FBXW8: variants seen among roughly 807,000 people sequenced by gnomAD.
FBXW8 encodes F-box and WD repeat domain containing 8, also known as F-box/WD repeat-containing protein 8.
Under a neutral mutation model 65.3 loss-of-function variants are expected in FBXW8, and 57 were observed. The ratio of observed to expected loss-of-function variants is 0.87; its 90% CI spans 0.71 to 1.09. FBXW8 has a LOEUF of 1.09. FBXW8 is among the 50% of genes least tolerant of loss of function. FBXW8 has a pLI of 0.00. For synonymous variants in FBXW8, 308 were observed against 330.2 expected, an observed-to-expected ratio of 0.93 and a Z score of 0.73; for missense variants, 777 against 814.8, an observed-to-expected ratio of 0.95 and a Z score of 0.57.
intron 8 of FBXW8, among the ~76,000 whole-genome samples, chr12:117,011,206 G>A (rs1953802569): frequency 6.7e-6 from 1 of 150,084 alleles, no homozygotes; most frequent in Non-Finnish European, 1.5e-5. Flanking sequence ...GAGGGCCAGG[G>A]GCTGCTGGCG....
In FBXW8 at chr12:116,911,072, G is replaced by A; in HGVS notation, c.35G>A (p.Arg12His). The A allele has an allele frequency of 2.1e-6, 3 of 1,453,528 alleles. No individual in the cohort carries two copies. Among genetic ancestry groups the A allele is most frequent in the South Asian group, 1.4e-5 (1 of 73,792 alleles). The allele number at this position is 1,453,528 out of a possible 1,614,324, so 90.0% of individuals were successfully genotyped here. ...TACAGCCTGGATGAGTTCCGTCGGC[G>A]CTGGCAGGAGGAGCTGGCGCAGGCC... ...DDYSLDEFRR[R>H]WQEELAQAQA... The change falls in exon 1 of 11, where the codon CGC (arginine) becomes CAC (histidine). Residue 12 changes from arginine (R) to histidine (H), a missense_variant. Coordinates refer to ENST00000652555, the MANE Select transcript of FBXW8 (RefSeq NM_153348.3).
intron 1 of FBXW8, among the ~76,000 whole-genome samples, chr12:116,912,338 C>T (rs1880027978): frequency 6.6e-6 from 1 of 151,976 alleles, no homozygotes; most frequent in Admixed American, 6.6e-5. Flanking sequence ...CACGCATGCG[C>T]CACCACACTC....
chr12:116,954,852 C>A (rs1883532974), intron 4 of FBXW8, among the ~76,000 whole-genome samples: 1 of 152,182 alleles, frequency 6.6e-6, no homozygotes, highest in Non-Finnish European at 1.5e-5. Context: ...AGAGCCCGTG[C>A]CTCCTGCCCC....
rs142122479 is a variant in FBXW8 at position 116,913,939 on chromosome 12, T to C, written c.318+2584T>C. 4.2e-3 allele frequency among the ~76,000 whole-genome samples: 641 copies of C among 152,280 alleles called. 2 individuals carry two copies. The highest frequency in any genetic ancestry group is 6.4e-3 in the Non-Finnish European group (433 of 68,020). On this transcript the variant is annotated intron_variant, in intron 1 of 10. Coordinates refer to ENST00000652555, the MANE Select transcript of FBXW8 (RefSeq NM_153348.3). ...ACATTAGGTACTACTAGGTTCTCTA[T>C]GAGTAGCATACAACTTTTGGGGCAC...
At chr12:116,967,592 T>C (rs1884403035) in intron 5 of FBXW8, among the ~76,000 whole-genome samples, 1 of 152,246 alleles carries the variant, frequency 6.6e-6, no homozygotes, top group Non-Finnish European at 1.5e-5. Flanking sequence ...TTTAATTACA[T>C]GTGGACATCT....
intron 8 of FBXW8, among the ~76,000 whole-genome samples, chr12:117,022,924 C>T (rs1333010766): frequency 6.6e-6 from 1 of 152,166 alleles, no homozygotes; most frequent in Non-Finnish European, 1.5e-5. Context: ...AAGGTTTGTC[C>T]TGTGTGCCTC....
intron 7 of FBXW8, among the ~76,000 whole-genome samples, chr12:117,006,712 G>A (rs948525581): frequency 8.5e-5 from 13 of 152,258 alleles, no homozygotes; most frequent in Non-Finnish European, 1.3e-4. Flanking sequence ...TGGGGAAGAG[G>A]TGGGCTCTGT....
Position 116,945,353 on chromosome 12 carries a change from T to G in FBXW8, c.424-11T>G. On this transcript the variant is annotated splice_polypyrimidine_tract_variant and intron_variant, in intron 2 of 10. Coordinates refer to ENST00000652555, the MANE Select transcript of FBXW8 (RefSeq NM_153348.3). ...CAGAATTTGACATTTGTGTCACTTC[T>G]GCTGTTTTAGGTGAGCAAGACGTGG... 1 of 1,601,620 alleles carries G rather than the reference T, an allele frequency of 6.2e-7. No individual in the cohort carries two copies. The highest frequency in any genetic ancestry group is 8.5e-7 in the Non-Finnish European group (1 of 1,172,050).
intron 2 of FBXW8, among the ~76,000 whole-genome samples, chr12:116,939,915 A>C (rs1032533382): frequency 6.6e-6 from 1 of 152,214 alleles, no homozygotes; most frequent in African/African-American, 2.4e-5. Context: ...ACAGATAGAC[A>C]GACAGCATCT....
chr12:116,967,279 CATTT>C (rs1455660460), intron 5 of FBXW8, among the ~76,000 whole-genome samples: 1 of 151,780 alleles, frequency 6.6e-6, no homozygotes, highest in African/African-American at 2.4e-5. Flanking sequence ...GCTGTACCAT[CATTT>C]ATTTATTAGG....
intron 4 of FBXW8, among the ~76,000 whole-genome samples, chr12:116,954,693 A>G (rs1350844236): frequency 2.0e-5 from 3 of 152,202 alleles, no homozygotes; most frequent in African/African-American, 7.2e-5. Flanking sequence ...AAGCAGAATT[A>G]CTGGATTTAG....
intron 2 of FBXW8, among the ~76,000 whole-genome samples, chr12:116,930,879 C>T (rs761578917): frequency 1.3e-5 from 2 of 152,228 alleles, no homozygotes; most frequent in African/African-American, 4.8e-5. Flanking sequence ...ACAATCGTAG[C>T]TCACTGTAGC....
intron 5 of FBXW8, among the ~76,000 whole-genome samples, chr12:116,972,292 A>G (rs1884687029): frequency 6.6e-6 from 1 of 152,218 alleles, no homozygotes; most frequent in Non-Finnish European, 1.5e-5. Flanking sequence ...AGTGTACCTA[A>G]TGACAACTGA....
intron 8 of FBXW8, 50 bp from the exon 9 acceptor site, chr12:117,024,097 C>A: frequency 1.3e-6 from 2 of 1,584,542 alleles, no homozygotes; most frequent in Non-Finnish European, 1.7e-6. Flanking sequence ...TCATTTGAAG[C>A]TTTGACTCTA....
chr12:116,915,851 C>G (rs1394799714), intron 1 of FBXW8, among the ~76,000 whole-genome samples: 1 of 151,872 alleles, frequency 6.6e-6, no homozygotes. Context: ...TGGGGTTTCA[C>G]TATGTTGGCC....
At chr12:116,919,729 C>T (rs149665753) in intron 1 of FBXW8, among the ~76,000 whole-genome samples, 46 of 152,334 alleles carry the variant, frequency 3.0e-4, no homozygotes, top group Middle Eastern at 3.4e-3. Context: ...CTGCTTCTGA[C>T]TGCGACTTTA....
rs973515849 is a variant in FBXW8, at chr12:116,952,544, C to T, written c.677+2838C>T. ...AGATTTCTCTAGCACTGTAGCCTAG[C>T]GTCCATTCTTCTCGGAACTCCTAGA... On this transcript the variant is annotated intron_variant, in intron 4 of 10. Coordinates refer to ENST00000652555, the MANE Select transcript of FBXW8 (RefSeq NM_153348.3). 4.6e-5 allele frequency among the ~76,000 whole-genome samples: 7 copies of T among 152,178 alleles called. No individual in the cohort carries two copies. In the East Asian group the frequency reaches 7.7e-4, roughly 17 times the overall value.
At chr12:116,990,442 T>A (rs1326064382) in intron 7 of FBXW8, among the ~76,000 whole-genome samples, 6 of 152,162 alleles carry the variant, frequency 3.9e-5, no homozygotes. Context: ...TAAAAAAACT[T>A]TCTTTTCCCA....
intron 5 of FBXW8, among the ~76,000 whole-genome samples, chr12:116,967,045 A>G (rs1410407614): frequency 1.3e-5 from 2 of 152,146 alleles, no homozygotes; most frequent in African/African-American, 2.4e-5. Context: ...AAATGTATAT[A>G]AAATGACAAA....
Sources: allele counts gnomAD v4.1 joint callset (sites outside exome capture counted in the v4.1 genomes callset), GRCh38; gene constraint gnomAD v4.1.1; transcripts MANE v1.5; gene names NCBI Gene and HGNC (gene_info 2026-07-23, HGNC 2026-07-21).